NLGN1: variants seen among roughly 807,000 people sequenced by gnomAD.
NLGN1 encodes neuroligin 1.
A neutral mutation model predicts 65.5 loss-of-function variants in NLGN1; 12 were observed. The observed-to-expected ratio is 0.18, with a 90% CI of 0.12 to 0.30. The LOEUF (loss-of-function observed/expected upper bound fraction) is 0.30, where lower values mean the gene tolerates loss of function less well. Ranked by LOEUF, NLGN1 falls within the 10% of genes least tolerant of loss-of-function variation. The probability of loss-of-function intolerance (pLI) is 1.00; values close to 1 mark genes in which losing one functional copy is unlikely to be tolerated. For missense variants in NLGN1, 750 were observed against 1,007.1 expected (o/e 0.74, Z 3.46); for synonymous variants, 350 against 359.5 (o/e 0.97, Z 0.30).
At chr3:173,543,155 G>C (rs968553007) in intron 2 of NLGN1, among the ~76,000 whole-genome samples, 5 of 152,082 alleles carry the variant, frequency 3.3e-5, no homozygotes, top group East Asian at 1.9e-4. Context: ...TTTCTTGTAT[G>C]CTATAATGTA....
chr3:173,995,949 G>A (rs1381490440), intron 4 of NLGN1, among the ~76,000 whole-genome samples: 2 of 152,120 alleles, frequency 1.3e-5, no homozygotes, highest in Non-Finnish European at 2.9e-5. Context: ...TCCTCTGAAA[G>A]TGCTGGGATT....
chr3:173,652,525 G>C (rs991394552), intron 3 of NLGN1, among the ~76,000 whole-genome samples: 1 of 151,942 alleles, frequency 6.6e-6, no homozygotes, highest in Non-Finnish European at 1.5e-5. Flanking sequence ...TCCTTTCCCT[G>C]GTGTACGTTT....
intron 3 of NLGN1, among the ~76,000 whole-genome samples, chr3:173,754,049 T>C (rs146501153): frequency 0.047 from 6,940 of 146,144 alleles, 176 homozygotes; most frequent in South Asian, 0.087. Flanking sequence ...TTTTTTTTTT[T>C]GTTGTTGTTG....
At chr3:173,914,536 TACACACACAC>T (rs10576275) in intron 4 of NLGN1, among the ~76,000 whole-genome samples, 2,089 of 142,330 alleles carry the variant, frequency 0.015, 65 homozygotes, top group African/African-American at 0.047. Flanking sequence ...CATCTATACA[TACACACACAC>T]ACACACACAC....
At chr3:174,241,890 C>G (rs1008414220) in intron 4 of NLGN1, among the ~76,000 whole-genome samples, 1 of 152,108 alleles carries the variant, frequency 6.6e-6, no homozygotes, top group Non-Finnish European at 1.5e-5. Flanking sequence ...GATCTCCTGA[C>G]CTCGTGATCC....
At chr3:174,112,475 C>T (rs541911918) in intron 4 of NLGN1, among the ~76,000 whole-genome samples, 5 of 151,916 alleles carry the variant, frequency 3.3e-5, no homozygotes, top group East Asian at 1.9e-4. Flanking sequence ...TCTTCTGAAC[C>T]GATCACAGCA....
intron 1 of NLGN1, among the ~76,000 whole-genome samples, chr3:173,418,079 T>C (rs1281730792): frequency 6.6e-6 from 1 of 151,052 alleles, no homozygotes; most frequent in Non-Finnish European, 1.5e-5. Flanking sequence ...TGAAAGTATA[T>C]ATACATAAAT....
At chr3:173,420,965 A>T (rs1226790845) in intron 1 of NLGN1, among the ~76,000 whole-genome samples, 1 of 152,306 alleles carries the variant, frequency 6.6e-6, no homozygotes, top group South Asian at 2.1e-4. Flanking sequence ...CTTTTCTAAT[A>T]TCAGGTAGTA....
At chr3:173,470,720 G>A (rs778048605) in intron 2 of NLGN1, among the ~76,000 whole-genome samples, 32 of 152,120 alleles carry the variant, frequency 2.1e-4, no homozygotes, top group Non-Finnish European at 2.8e-4. Context: ...GTGAACTACA[G>A]TTTTAGCAAG....
intron 4 of NLGN1, among the ~76,000 whole-genome samples, chr3:173,839,189 T>C (rs975465930): frequency 4.6e-5 from 7 of 152,074 alleles, no homozygotes; most frequent in African/African-American, 1.7e-4. Context: ...ACCCTTTTCT[T>C]AATTTGTTAA....
At chr3:174,097,852 A>G (rs1016495581) in intron 4 of NLGN1, among the ~76,000 whole-genome samples, 1 of 152,202 alleles carries the variant, frequency 6.6e-6, no homozygotes, top group Non-Finnish European at 1.5e-5. Context: ...CTCCAACACC[A>G]GTTCACCCTA....
intron 4 of NLGN1, among the ~76,000 whole-genome samples, chr3:174,218,251 G>A (rs1024361380): frequency 6.6e-6 from 1 of 151,784 alleles, no homozygotes. Context: ...ACCTTCCCAA[G>A]AGTAATATGG....
intron 2 of NLGN1, among the ~76,000 whole-genome samples, chr3:173,581,315 T>C (rs1420695418): frequency 6.6e-6 from 1 of 152,028 alleles, no homozygotes; most frequent in Non-Finnish European, 1.5e-5. Flanking sequence ...TCCCCATATT[T>C]CATATCAACA....
intron 2 of NLGN1, among the ~76,000 whole-genome samples, chr3:173,457,762 T>C (rs1022608318): frequency 2.0e-5 from 3 of 151,994 alleles, no homozygotes; most frequent in Admixed American, 2.0e-4. Flanking sequence ...ATGGGTTGAA[T>C]ATGAGGAGGT....
intron 3 of NLGN1, among the ~76,000 whole-genome samples, chr3:173,705,672 A>C (rs2149908213): frequency 6.6e-6 from 1 of 152,300 alleles, no homozygotes; most frequent in African/African-American, 2.4e-5. Flanking sequence ...TGTTTTAAAT[A>C]ATTTAACTTT....
intron 4 of NLGN1, among the ~76,000 whole-genome samples, chr3:174,185,248 C>CA (rs1731175900): frequency 1.3e-5 from 2 of 152,044 alleles, no homozygotes. Context: ...AATTACATAT[C>CA]AATAATTGCA....
chr3:173,978,668 C>G (rs780294576), intron 4 of NLGN1, among the ~76,000 whole-genome samples: 3 of 151,630 alleles, frequency 2.0e-5, no homozygotes, highest in African/African-American at 7.3e-5. Context: ...TTCAAGAAAG[C>G]AGTGGTCAAC....
chr3:173,836,303 A>T (rs1723618000), intron 4 of NLGN1, among the ~76,000 whole-genome samples: 1 of 152,146 alleles, frequency 6.6e-6, no homozygotes, highest in Admixed American at 6.5e-5. Context: ...TATAAAACAT[A>T]TTGGAGTTTT....
downstream of NLGN1, among the ~76,000 whole-genome samples, chr3:174,291,368 T>C (rs984663434): frequency 6.6e-6 from 1 of 151,026 alleles, no homozygotes; most frequent in African/African-American, 2.4e-5. Flanking sequence ...AGAAAAAAAT[T>C]TGATGTCACA....
Sources: allele counts gnomAD v4.1 joint callset (sites outside exome capture counted in the v4.1 genomes callset), GRCh38; gene constraint gnomAD v4.1.1; transcripts MANE v1.5; gene names NCBI Gene and HGNC (gene_info 2026-07-23, HGNC 2026-07-21).